The following IL17RA variants were observed in gnomAD, a reference collection of about 807,000 sequenced individuals.
IL17RA encodes the protein interleukin 17 receptor A.
A neutral mutation model predicts 50.4 loss-of-function variants in IL17RA; 34 were observed. The observed-to-expected ratio is 0.67, with a 90% confidence interval of 0.51 to 0.90. The LOEUF (loss-of-function observed/expected upper bound fraction) is 0.90. IL17RA is among the 40% of genes least tolerant of loss of function. IL17RA has a pLI of 0.00. For synonymous variants in IL17RA, 585 were observed against 510.4 expected, an observed-to-expected ratio of 1.15 and a Z score of -1.97; for missense variants, 1,276 against 1,169.8, an observed-to-expected ratio of 1.09 and a Z score of -1.32.
At chr22:17,099,780 G>A (rs1481251228) in intron 4 of IL17RA, among the ~76,000 whole-genome samples, 1 of 152,126 alleles carries the variant, frequency 6.6e-6, no homozygotes, top group Admixed American at 6.5e-5. Context: ...GGTTGGAGTC[G>A]ATGTCTGTAA....
In IL17RA at chr22:17,112,002, C is replaced by G. The variant is rs1407600809; in HGVS notation, c.*2182C>G. On this transcript the variant is annotated 3_prime_UTR_variant, in exon 13 of 13. Transcript: ENST00000319363. ...GGAGCAGAAGCCTCCCAGCCACTAG[C>G]CTTTTGGGCTCAGTCTCTCCAATAA... 1 of 152,180 alleles carries G rather than the reference C, an allele frequency of 6.6e-6. No homozygotes were observed. The highest frequency in any genetic ancestry group is 1.5e-5 in the Non-Finnish European group (1 of 68,054). 9.4% of individuals were successfully genotyped at this position (152,180 alleles called of 1,614,324 possible).
rs1601352881 is a variant in IL17RA, at chr22:17,111,883, C to T, written c.*2063C>T. 2 of 152,178 alleles carry T rather than the reference C, an allele frequency of 1.3e-5. No homozygotes were observed. The highest frequency in any genetic ancestry group is 2.1e-4 in the South Asian group (1 of 4,814). The allele number at this position is 152,178 out of a possible 1,614,324, so 9.4% of individuals were successfully genotyped here. A position where few individuals can be genotyped will look rare whatever the true frequency, so the allele number is the denominator to read the frequency against. On this transcript the variant is annotated 3_prime_UTR_variant, in exon 13 of 13. Coordinates refer to ENST00000319363, the MANE Select transcript of IL17RA (RefSeq NM_014339.7). ...GTTTTTTCTTGCAGTTAGACTTTAC[C>T]TAGTGGTAGCAGGGCCACCAAAGCT... is the stretch of plus-strand genomic sequence containing the variant.
chr22:17,097,963 G>C lies in IL17RA; in HGVS notation c.310+20G>C, dbSNP rs777115229. 1.2e-6 allele frequency: 2 copies of C among 1,613,364 alleles called. No individual in the cohort carries two copies. Among genetic ancestry groups the C allele is most frequent in the African/African-American group, 2.7e-5 (2 of 74,928 alleles). On this transcript the variant is annotated intron_variant, in intron 3 of 12. Transcript: ENST00000319363. ...CAGACGGTGAGTGGGCATGCCAGCA[G>C]GGCCCTGGGGGATTCTCCCTGCCTC...
At chr22:17,107,161 C>G (rs922145383) in intron 11 of IL17RA, among the ~76,000 whole-genome samples, 14 of 152,078 alleles carry the variant, frequency 9.2e-5, no homozygotes, top group African/African-American at 3.4e-4. Flanking sequence ...CTCAAAAATA[C>G]CAGGAGGAAA....
intron 1 of IL17RA, among the ~76,000 whole-genome samples, chr22:17,093,373 T>C (rs1221312454): frequency 1.3e-5 from 2 of 151,952 alleles, no homozygotes; most frequent in East Asian, 1.9e-4. Flanking sequence ...GAGGATAAGG[T>C]TCCCAACACT....
intron 1 of IL17RA, among the ~76,000 whole-genome samples, chr22:17,094,127 G>GGTTT (rs1472849302): frequency 2.6e-5 from 4 of 151,964 alleles, no homozygotes; most frequent in Non-Finnish European, 5.9e-5. Context: ...GGGACTACAG[G>GGTTT]CACATGCCAC....
At chr22:17,088,048 C>T (rs897953422) in intron 1 of IL17RA, among the ~76,000 whole-genome samples, 3 of 152,176 alleles carry the variant, frequency 2.0e-5, no homozygotes, top group East Asian at 3.9e-4. Flanking sequence ...ACAAGTATTC[C>T]TTCATCCCAT....
chr22:17,093,070 GT>G (rs1000069035), intron 1 of IL17RA, among the ~76,000 whole-genome samples: 97 of 148,178 alleles, frequency 6.5e-4, no homozygotes, highest in African/African-American at 2.0e-3. Flanking sequence ...TAACAGCATT[GT>G]TTTTTTTTTC....
intron 12 of IL17RA, 35 bp from the exon 13 acceptor site, chr22:17,108,272 G>A (rs751515867): frequency 1.2e-5 from 20 of 1,609,356 alleles, no homozygotes; most frequent in African/African-American, 4.0e-5. Flanking sequence ...TGGGCCCTGG[G>A]GTGAGGGTCA....
intron 2 of IL17RA, chr22:17,097,495 C>T (rs368972026): frequency 9.3e-6 from 5 of 539,388 alleles, no homozygotes; most frequent in Admixed American, 3.1e-5. Context: ...AATAAAGCAG[C>T]TCTTACTACA....
At position 17,102,235 on chromosome 22, in the gene IL17RA, T is replaced by C; in HGVS notation, c.695T>C (p.Ile232Thr). ...TGGAACGAATCTACCCATTACCAGA[T>C]CCTGCTGACCAGTTTTCCGCACATG... is the stretch of plus-strand genomic sequence containing the variant. ...TLWNESTHYQ[I>T]LLTSFPHMEN... Residue 232 changes from isoleucine (I) to threonine (T), a missense_variant, in exon 7 of 13, where the codon ATC (isoleucine) becomes ACC (threonine). Physicochemically the swap from Ile to Thr is moderately conservative, Grantham distance 89. Coordinates refer to ENST00000319363, the MANE Select transcript of IL17RA (RefSeq NM_014339.7). The C allele has an allele frequency of 6.2e-7, 1 of 1,614,190 alleles. No homozygotes were observed.
In IL17RA at chr22:17,109,602, G is replaced by A; in HGVS notation, c.2383G>A (p.Gly795Ser). The A allele has an allele frequency of 6.2e-7, 1 of 1,604,578 alleles. No homozygotes were observed. Among genetic ancestry groups the A allele is most frequent in the Non-Finnish European group, 8.5e-7 (1 of 1,175,822 alleles). Residue 795 changes from glycine (G) to serine (S), a missense_variant, in exon 13 of 13, where the codon GGC becomes AGC. Coordinates refer to ENST00000319363, the MANE Select transcript of IL17RA (RefSeq NM_014339.7). ...GCGGCAGTCAGTGCAGTCTGACCAG[G>A]GCTACATCTCCAGGAGCTCCCCGCA... ...EQRQSVQSDQ[G>S]YISRSSPQPP...
rs767388612 is a variant in IL17RA at position 17,103,563 on chromosome 22, C to T, written c.832C>T (p.Arg278Cys). 46 of 1,612,588 alleles carry T rather than the reference C, an allele frequency of 2.9e-5. No individual in the cohort carries two copies. In the Middle Eastern group the frequency reaches 4.9e-4, roughly 17 times the overall value. ...LTLRNLKGCC[R>C]HQVQIQPFFS... is the part of the protein sequence containing the mutation. ...TCTACGCAACCTTAAAGGGTGCTGT[C>T]GCCACCAAGTGCAGGTGGGTGAGTG... The change falls in exon 8 of 13, where the codon CGC becomes TGC. Residue 278 changes from arginine (R) to cysteine (C), a missense_variant. Transcript: ENST00000319363.
chr22:17,103,477 C>G lies in IL17RA; in HGVS notation c.763-17C>G, dbSNP rs1374530090. On this transcript the variant is annotated splice_polypyrimidine_tract_variant and intron_variant, in intron 7 of 12. Transcript: ENST00000319363. ...CCCATCCCAACTAGCCTTACCCATC[C>G]TCGCCTCTCTCCTCAGCCCAGACCA... 6 of 1,611,080 alleles carry G rather than the reference C, an allele frequency of 3.7e-6. No homozygotes were observed. The highest frequency in any genetic ancestry group is 5.1e-6 in the Non-Finnish European group (6 of 1,177,964).
Position 17,102,005 on chromosome 22 carries a change from A to G in IL17RA, c.560A>G (p.His187Arg). 2 of 1,614,266 alleles carry G rather than the reference A, an allele frequency of 1.2e-6. No individual in the cohort carries two copies. Among genetic ancestry groups the G allele is most frequent in the Non-Finnish European group, 8.5e-7 (1 of 1,180,044 alleles). ...TTTTCTGGGTCGACAGACTGTGAGCACGCCAGGATGAAGGTAACCACGCCA... is the reference window on the plus strand; with the variant it reads ...TTTTCTGGGTCGACAGACTGTGAGCGCGCCAGGATGAAGGTAACCACGCCA... ...SKNFLVPDCE[H>R]ARMKVTTPCM... The change falls in exon 6 of 13, where the codon CAC becomes CGC. Residue 187 changes from histidine (H) to arginine (R), a missense_variant. Physicochemically the swap from His to Arg is conservative, Grantham distance 29. Transcript: ENST00000319363.
chr22:17,109,429 C>T lies in IL17RA; in HGVS notation c.2210C>T (p.Pro737Leu), dbSNP rs1568924213. The T allele has an allele frequency of 6.2e-7, 1 of 1,613,404 alleles. No homozygotes were observed. Among genetic ancestry groups the T allele is most frequent in the Non-Finnish European group, 8.5e-7 (1 of 1,179,986 alleles). Residue 737 changes from proline to leucine, a missense_variant, in exon 13 of 13, where the codon CCT becomes CTT. Pro to Leu is a moderately conservative substitution (Grantham distance 98). Coordinates refer to ENST00000319363, the MANE Select transcript of IL17RA (RefSeq NM_014339.7). The part of the protein sequence containing the change: ...PLGSSTPMAS[P>L]DLLPEDVREH... ...GGCAGCAGCACCCCCATGGCGTCTC[C>T]TGACCTCCTTCCAGAGGACGTGAGG...
Position 17,109,297 on chromosome 22 carries a change from G to A in IL17RA, c.2078G>A (p.Arg693Gln), listed in dbSNP as rs773268718. ...PGPLADGAAVRLALAGEGEAC... is the reference protein window; with the variant it reads ...PGPLADGAAVQLALAGEGEAC... Reference sequence around the variant, plus strand: ...CCCCTGGCTGACGGTGCCGCAGTCCGGCTGGCACTGGCGGGGGAGGGCGAG... The same window carrying A: ...CCCCTGGCTGACGGTGCCGCAGTCCAGCTGGCACTGGCGGGGGAGGGCGAG... Residue 693 changes from arginine (R) to glutamine (Q), a missense_variant, in exon 13 of 13, where the codon CGG (arginine) becomes CAG (glutamine). Coordinates refer to ENST00000319363, the MANE Select transcript of IL17RA (RefSeq NM_014339.7). 4 of 1,532,442 alleles carry A rather than the reference G, an allele frequency of 2.6e-6. No individual in the cohort carries two copies. Among genetic ancestry groups the A allele is most frequent in the South Asian group, 2.4e-5 (2 of 83,496 alleles). 94.9% of individuals were successfully genotyped at this position (1,532,442 alleles called of 1,614,324 possible).
chr22:17,106,367 G>T (rs41446548), intron 11 of IL17RA, among the ~76,000 whole-genome samples: 343 of 152,314 alleles, frequency 2.3e-3, no homozygotes, highest in African/African-American at 8.1e-3. Context: ...GGCTCCGGCT[G>T]CCCTGAGCCA....
At position 17,110,976 on chromosome 22, in the gene IL17RA, C is replaced by A. The variant is rs1291450078; in HGVS notation, c.*1156C>A. On this transcript the variant is annotated 3_prime_UTR_variant, in exon 13 of 13. Transcript: ENST00000319363. ...GGAAAGCGTAGTCCCAGCAAGGAAG[C>A]AGTTTGTGGGTAAGTGCTGGGAGGT... The A allele has an allele frequency of 1.3e-5, 2 of 151,880 alleles. No individual in the cohort carries two copies. Among genetic ancestry groups the A allele is most frequent in the Non-Finnish European group, 2.9e-5 (2 of 68,148 alleles). 9.4% of individuals were successfully genotyped at this position (151,880 alleles called of 1,614,324 possible).
Sources: gnomAD v4.1 joint callset for allele counts (sites outside exome capture counted in the v4.1 genomes callset) on GRCh38, gnomAD v4.1.1 for gene constraint, MANE v1.5 for transcripts, NCBI Gene and HGNC (gene_info 2026-07-23, HGNC 2026-07-21) for gene names.